The following B3GALT1 variants were observed in gnomAD, a reference collection of about 807,000 sequenced individuals.
The protein encoded by B3GALT1 is beta-1,3-galactosyltransferase 1.
B3GALT1 carries 10 observed loss-of-function variants against 23.2 expected under a neutral mutation model. That is an observed-to-expected ratio of 0.43 (90% CI 0.27 to 0.73). The LOEUF is 0.73. Among genes scored for constraint, B3GALT1 ranks in the 30% least tolerant of loss-of-function variants. B3GALT1 has a pLI of 0.21. For synonymous variants in B3GALT1, 156 were observed against 141.5 expected (o/e 1.10, Z -0.73); for missense variants, 299 against 405.4 (o/e 0.74, Z 2.25).
chr2:167,718,077 G>A (rs961480842), intron 3 of B3GALT1, among the ~76,000 whole-genome samples: 1 of 152,154 alleles, frequency 6.6e-6, no homozygotes, highest in Non-Finnish European at 1.5e-5. Context: ...AGGCAGAAAT[G>A]CAGAGCATTT....
In B3GALT1 at chr2:167,564,627, G is replaced by A. The variant is rs559033744; in HGVS notation, c.-410+74350G>A. Among the ~76,000 whole-genome samples, 7 of 152,280 alleles carry A rather than the reference G, an allele frequency of 4.6e-5. No homozygotes were observed. In the East Asian group the frequency reaches 5.8e-4, roughly 13 times the overall value. On this transcript the variant is annotated intron_variant, in intron 2 of 4. Transcript: ENST00000392690. ...TGCAATCCCGGCACCTCGGGAGGCCGAGGCCGGCGGATCACTCGTGGCTAG... is the reference window on the plus strand; with the variant it reads ...TGCAATCCCGGCACCTCGGGAGGCCAAGGCCGGCGGATCACTCGTGGCTAG...
intron 1 of B3GALT1, among the ~76,000 whole-genome samples, chr2:167,464,586 G>C: frequency 6.6e-6 from 1 of 152,146 alleles, no homozygotes; most frequent in East Asian, 1.9e-4. Flanking sequence ...ACAAGATAGT[G>C]GTTATGATCA....
intron 1 of B3GALT1, among the ~76,000 whole-genome samples, chr2:167,306,709 C>T (rs1384753072): frequency 1.3e-5 from 2 of 151,962 alleles, no homozygotes; most frequent in African/African-American, 2.4e-5. Flanking sequence ...ATCTTAATCA[C>T]GGAACTTCCT....
chr2:167,775,582 AC>A (rs1402705779), intron 3 of B3GALT1, among the ~76,000 whole-genome samples: 33 of 148,196 alleles, frequency 2.2e-4, no homozygotes, highest in African/African-American at 7.0e-4. Flanking sequence ...AAAAAAAAAA[AC>A]AAAACACACA....
At chr2:167,457,880 A>G (rs1699195539) in intron 1 of B3GALT1, among the ~76,000 whole-genome samples, 1 of 152,206 alleles carries the variant, frequency 6.6e-6, no homozygotes, top group Admixed American at 6.5e-5. Context: ...GGTGCTCCCC[A>G]ACAATCTGTA....
chr2:167,393,019 A>G lies in B3GALT1; in HGVS notation c.-510-97158A>G, dbSNP rs547710558. 2.0e-4 allele frequency among the ~76,000 whole-genome samples: 30 copies of G among 152,116 alleles called. No individual in the cohort carries two copies. In the Middle Eastern group the frequency reaches 0.017, roughly 86 times the overall value. On this transcript the variant is annotated intron_variant, in intron 1 of 4. Coordinates refer to ENST00000392690, the MANE Select transcript of B3GALT1 (RefSeq NM_020981.4). ...GGAGGCCGAGGCGGGTGGATCACGA[A>G]GTCAGCAGATCAAGACCATCCTGGC...
At chr2:167,677,109 T>C (rs1574207427) in intron 3 of B3GALT1, among the ~76,000 whole-genome samples, 1 of 152,206 alleles carries the variant, frequency 6.6e-6, no homozygotes, top group East Asian at 1.9e-4. Context: ...TCAATTAATA[T>C]GAAGTATCAG....
At chr2:167,638,959 T>A (rs997561571) in intron 2 of B3GALT1, among the ~76,000 whole-genome samples, 3 of 152,030 alleles carry the variant, frequency 2.0e-5, no homozygotes, top group Admixed American at 2.0e-4. Context: ...GTCCCATCAT[T>A]CTGTGCTTGT....
intron 3 of B3GALT1, among the ~76,000 whole-genome samples, chr2:167,662,884 T>C (rs927612818): frequency 2.0e-5 from 3 of 152,162 alleles, no homozygotes; most frequent in Admixed American, 1.3e-4. Flanking sequence ...TCCAAAGATA[T>C]ATATGCATAT....
chr2:167,863,955 G>A (rs1322424223), intron 4 of B3GALT1, among the ~76,000 whole-genome samples: 1 of 151,212 alleles, frequency 6.6e-6, no homozygotes, highest in South Asian at 2.1e-4. Flanking sequence ...AAAAAGGTCA[G>A]TAGAAATAGT....
intron 3 of B3GALT1, among the ~76,000 whole-genome samples, chr2:167,708,951 C>T (rs1687009495): frequency 6.6e-6 from 1 of 152,196 alleles, no homozygotes; most frequent in South Asian, 2.1e-4. Flanking sequence ...TTTTTCTCCT[C>T]CACTTGGTTA....
intron 3 of B3GALT1, among the ~76,000 whole-genome samples, chr2:167,649,372 A>G (rs1239724616): frequency 6.6e-6 from 1 of 152,066 alleles, no homozygotes; most frequent in Non-Finnish European, 1.5e-5. Context: ...TACATTCACA[A>G]TGGTGTGCAA....
chr2:167,771,844 C>A (rs1688077451), intron 3 of B3GALT1, among the ~76,000 whole-genome samples: 1 of 152,148 alleles, frequency 6.6e-6, no homozygotes, highest in Non-Finnish European at 1.5e-5. Context: ...TCCTGAAGTG[C>A]AGCATCCATG....
chr2:167,443,276 A>T (rs1161236649), intron 1 of B3GALT1, among the ~76,000 whole-genome samples: 20 of 152,152 alleles, frequency 1.3e-4, no homozygotes, highest in Non-Finnish European at 2.6e-4. Context: ...TGGTTACTGT[A>T]GCCTTGTAGT....
chr2:167,394,896 T>C (rs964182228), intron 1 of B3GALT1, among the ~76,000 whole-genome samples: 3 of 152,214 alleles, frequency 2.0e-5, no homozygotes, highest in Non-Finnish European at 2.9e-5. Flanking sequence ...AATGTCTGTA[T>C]CTGTTATCTT....
At chr2:167,585,587 G>C (rs116015800) in intron 2 of B3GALT1, among the ~76,000 whole-genome samples, 1,668 of 152,282 alleles carry the variant, frequency 0.011, 20 homozygotes, top group Middle Eastern at 0.068. Flanking sequence ...TAGTGGGAAC[G>C]TATATTTGAA....
In B3GALT1 at chr2:167,869,964, G is replaced by A. The variant is rs779917122; in HGVS notation, c.925G>A (p.Glu309Lys). 6.2e-6 allele frequency: 10 copies of A among 1,613,082 alleles called. No individual in the cohort carries two copies. The highest frequency in any genetic ancestry group is 8.5e-7 in the Non-Finnish European group (1 of 1,179,388). Residue 309 changes from glutamate to lysine, a missense_variant, in exon 5 of 5, where the codon GAA (glutamate) becomes AAA (lysine). By Grantham distance (56) the Glu-to-Lys change is moderately conservative. This residue lies in a region of B3GALT1 where 133 missense variants were observed against 204.8 expected (regional missense o/e 0.65). Transcript: ENST00000392690. The surrounding 1 kb of genome is among the most constrained non-coding windows in gnomAD (Gnocchi z 6.4). ...TATCACTGTGCATCAGATCTCTCCA[G>A]AAGAAATGCACAGAATCTGGAATGA... ...RVITVHQISP[E>K]EMHRIWNDMS... is the part of the protein sequence containing the mutation.
At chr2:167,867,076 G>A (rs996768186) in intron 4 of B3GALT1, among the ~76,000 whole-genome samples, 6 of 152,152 alleles carry the variant, frequency 3.9e-5, no homozygotes, top group Admixed American at 1.3e-4. Flanking sequence ...ACAGGCACCC[G>A]CCACTACGCC....
intron 2 of B3GALT1, among the ~76,000 whole-genome samples, chr2:167,599,530 G>T (rs562339791): frequency 2.0e-5 from 3 of 152,172 alleles, no homozygotes; most frequent in Non-Finnish European, 4.4e-5. Context: ...AGGACAGACA[G>T]TTTTTCATGA....
Sources: allele counts gnomAD v4.1 joint callset (sites outside exome capture counted in the v4.1 genomes callset), GRCh38; gene constraint gnomAD v4.1.1; regional missense constraint gnomAD v4.1.1; non-coding constraint Gnocchi (gnomAD v3.1); transcripts MANE v1.5; gene names NCBI Gene and HGNC (gene_info 2026-07-23, HGNC 2026-07-21).